Variants in ACO2 observed in about 807,000 individuals in gnomAD.
ACO2 encodes aconitate hydratase, mitochondrial.
A neutral mutation model predicts 84.5 loss-of-function variants in ACO2; 31 were observed. The ratio of observed to expected loss-of-function variants is 0.37; its 90% CI spans 0.28 to 0.50. The LOEUF is 0.50. Among genes scored for constraint, ACO2 ranks in the 20% least tolerant of loss-of-function variants. The pLI is 0.97. For missense variants in ACO2, 685 were observed against 1,029.3 expected (o/e 0.67, Z 4.58); for synonymous variants, 414 against 412.7 (o/e 1.00, Z -0.04).
At chr22:41,472,651 A>G (rs532265288) in intron 1 of ACO2, among the ~76,000 whole-genome samples, 2 of 152,202 alleles carry the variant, frequency 1.3e-5, no homozygotes, top group African/African-American at 4.8e-5. Context: ...GGGTCTCGCT[A>G]TGTTGCCCAG....
chr22:41,528,404 T>G, intron 17 of ACO2, 75 bp from the exon 18 acceptor site: 1 of 1,564,832 alleles, frequency 6.4e-7, no homozygotes, highest in Non-Finnish European at 8.7e-7. Context: ...CAGTGCCCTG[T>G]CTCCCTGACC....
At chr22:41,525,386 C>T in intron 14 of ACO2, 38 bp downstream of exon 14, 2 of 1,607,446 alleles carry the variant, frequency 1.2e-6, no homozygotes. Context: ...CCCCACCCTG[C>T]CAGGGCCCCC....
intron 14 of ACO2, 47 bp from the exon 15 acceptor site, chr22:41,526,215 C>A (rs372998239): frequency 1.9e-6 from 3 of 1,566,780 alleles, no homozygotes; most frequent in Non-Finnish European, 2.6e-6. Flanking sequence ...TCATCCACCC[C>A]TCCAGGGCCA....
Position 41,523,255 on chromosome 22 carries a change from C to T in ACO2, c.1347C>T (p.Gly449=). The T allele has an allele frequency of 6.2e-7, 1 of 1,612,374 alleles. No individual in the cohort carries two copies. The highest frequency in any genetic ancestry group is 8.5e-7 in the Non-Finnish European group (1 of 1,178,972). The change falls in exon 11 of 18, where the codon GGC becomes GGT. Residue 449 remains glycine (G), a synonymous_variant. Transcript: ENST00000216254. The part of the protein sequence containing the change: ...LGGIVLANAC[G]PCIGQWDRKD... The stretch of plus-strand genomic sequence containing the variant: ...GCATTGTCCTGGCCAATGCTTGTGG[C>T]CCCTGCATTGGCCAGTGGGACAGGT...
At chr22:41,505,931 A>G (rs562285513) in intron 2 of ACO2, among the ~76,000 whole-genome samples, 1 of 152,340 alleles carries the variant, frequency 6.6e-6, no homozygotes, top group East Asian at 1.9e-4. Flanking sequence ...AAAGCTGTTT[A>G]AAAATGAAAG....
intron 3 of ACO2, among the ~76,000 whole-genome samples, chr22:41,510,551 G>A (rs2066426063): frequency 6.6e-6 from 1 of 152,166 alleles, no homozygotes; most frequent in African/African-American, 2.4e-5. Flanking sequence ...TCAAGGGTCC[G>A]AGGGCACTGG....
In ACO2 at chr22:41,526,251, T is replaced by C; in HGVS notation, c.1762-11T>C. ...TGCCCTGACCTCTGTCCTCTCTACT[T>C]ACCACCCAAGGTCAAAGGGAAGTGT... On this transcript the variant is annotated splice_polypyrimidine_tract_variant and intron_variant, in intron 14 of 17. Coordinates refer to ENST00000216254, the MANE Select transcript of ACO2 (RefSeq NM_001098.3). The C allele has an allele frequency of 6.2e-7, 1 of 1,610,120 alleles. No homozygotes were observed. The highest frequency in any genetic ancestry group is 8.5e-7 in the Non-Finnish European group (1 of 1,178,478).
Position 41,511,870 on chromosome 22 carries a change from C to A in ACO2, c.433-6C>A, listed in dbSNP as rs370986348. 1 of 1,602,756 alleles carries A rather than the reference C, an allele frequency of 6.2e-7. No individual in the cohort carries two copies. The highest frequency in any genetic ancestry group is 8.5e-7 in the Non-Finnish European group (1 of 1,175,032). On this transcript the variant is annotated splice_polypyrimidine_tract_variant and splice_region_variant and intron_variant, in intron 3 of 17. Transcript: ENST00000216254. ...CTAACGCCCAATTATTGATTTGTCT[C>A]AATAGGACATCAACCAGGAAGTTTA...
chr22:41,508,569 G>C (rs775543422), intron 3 of ACO2, among the ~76,000 whole-genome samples: 1 of 152,216 alleles, frequency 6.6e-6, no homozygotes, highest in Non-Finnish European at 1.5e-5. Context: ...TGCTGATCCT[G>C]GCTCCCACTC....
chr22:41,480,230 C>T (rs555435264), intron 1 of ACO2, among the ~76,000 whole-genome samples: 1 of 152,320 alleles, frequency 6.6e-6, no homozygotes, highest in South Asian at 2.1e-4. Context: ...CAGAGTCCAC[C>T]TGAGACTTCT....
intron 1 of ACO2, among the ~76,000 whole-genome samples, chr22:41,486,342 G>A (rs2038154794): frequency 6.6e-6 from 1 of 152,026 alleles, no homozygotes; most frequent in Non-Finnish European, 1.5e-5. Context: ...CACCCAGGCT[G>A]GAGTGCAGTG....
At position 41,515,974 on chromosome 22, in the gene ACO2, C is replaced by T; in HGVS notation, c.835+57C>T. ...ACCCTGTGCTGGGCCTGATGGGTCT[C>T]CAGTTGGGAGTAGAAGCGGTGAATG... On this transcript the variant is annotated intron_variant, in intron 6 of 17. Transcript: ENST00000216254. This position sits in a 1 kb window ranked among gnomAD's most constrained non-coding sequence, Gnocchi z 5.8. 1.3e-6 allele frequency: 2 copies of T among 1,578,796 alleles called. No individual in the cohort carries two copies. Among genetic ancestry groups the T allele is most frequent in the Non-Finnish European group, 1.7e-6 (2 of 1,161,072 alleles).
At chr22:41,476,865 T>C (rs1161555601) in intron 1 of ACO2, among the ~76,000 whole-genome samples, 2 of 151,730 alleles carry the variant, frequency 1.3e-5, no homozygotes, top group African/African-American at 4.8e-5. Context: ...GTAGGGAGAA[T>C]GGGCCAGGCA....
chr22:41,471,307 A>G (rs1289965385), intron 1 of ACO2, among the ~76,000 whole-genome samples: 1 of 152,238 alleles, frequency 6.6e-6, no homozygotes, highest in Non-Finnish European at 1.5e-5. Context: ...TCCTTCAGCT[A>G]AGATGAATGA....
At chr22:41,527,518 T>C in intron 16 of ACO2, 98 bp downstream of exon 16, 1 of 1,481,834 alleles carries the variant, frequency 6.7e-7, no homozygotes, top group Non-Finnish European at 9.0e-7. Flanking sequence ...TTCTAGGCTG[T>C]GTCCACTGCA....
chr22:41,525,719 C>A, intron 14 of ACO2: 1 of 262,548 alleles, frequency 3.8e-6, no homozygotes, highest in Non-Finnish European at 7.3e-6. Context: ...GCTCTGGAAG[C>A]CATGGACAAC....
intron 1 of ACO2, among the ~76,000 whole-genome samples, chr22:41,495,708 C>T (rs2066308274): frequency 6.6e-6 from 1 of 150,944 alleles, no homozygotes; most frequent in South Asian, 2.1e-4. Context: ...GCAAGCTCCA[C>T]CTCCTGGGTT....
At chr22:41,522,121 G>A (rs2066531662) in intron 9 of ACO2, among the ~76,000 whole-genome samples, 1 of 152,166 alleles carries the variant, frequency 6.6e-6, no homozygotes, top group Admixed American at 6.5e-5. Flanking sequence ...TTGATCCCAG[G>A]AGTTCAAGAG....
chr22:41,496,328 A>C (rs1324600956), intron 1 of ACO2, among the ~76,000 whole-genome samples: 2 of 152,256 alleles, frequency 1.3e-5, no homozygotes, highest in African/African-American at 4.8e-5. Context: ...AAAAAAAGTA[A>C]AAGAAGAAGA....
Sources: gnomAD v4.1 joint callset for allele counts (sites outside exome capture counted in the v4.1 genomes callset) on GRCh38, gnomAD v4.1.1 for gene constraint, Gnocchi (gnomAD v3.1) non-coding constraint, MANE v1.5 for transcripts, NCBI Gene and HGNC (gene_info 2026-07-23, HGNC 2026-07-21) for gene names.